The following PAX5 variants were observed in gnomAD, a reference collection of about 807,000 sequenced individuals.
PAX5 encodes the protein paired box protein Pax-5.
A neutral mutation model predicts 43.7 loss-of-function variants in PAX5; 9 were observed. The observed-to-expected ratio is 0.21, with a 90% CI of 0.12 to 0.36. The LOEUF (loss-of-function observed/expected upper bound fraction) is 0.36. Ranked by LOEUF, PAX5 falls within the 10% of genes least tolerant of loss-of-function variation. The pLI is 1.00. For synonymous variants in PAX5, 228 were observed against 214.3 expected (o/e 1.06, Z -0.56); for missense variants, 383 against 532.7 (o/e 0.72, Z 2.77).
chr9:36,933,632 G>A (rs751693184), intron 6 of PAX5, among the ~76,000 whole-genome samples: 20 of 152,220 alleles, frequency 1.3e-4, no homozygotes, highest in Non-Finnish European at 2.6e-4. Flanking sequence ...ACTCCTCCAT[G>A]AAGGGCCCTG....
chr9:36,892,399 C>G (rs1827477505), intron 7 of PAX5, among the ~76,000 whole-genome samples: 1 of 152,234 alleles, frequency 6.6e-6, no homozygotes, highest in Non-Finnish European at 1.5e-5. Context: ...CTTTACACAG[C>G]TCTTAGCGCC....
chr9:36,971,503 G>T (rs1235838579), intron 5 of PAX5, among the ~76,000 whole-genome samples: 2 of 152,202 alleles, frequency 1.3e-5, no homozygotes, highest in Non-Finnish European at 2.9e-5. Flanking sequence ...CTACAGAAAT[G>T]CTCAGACCCA....
chr9:36,915,059 T>G (rs1829621975), intron 7 of PAX5, among the ~76,000 whole-genome samples: 4 of 152,356 alleles, frequency 2.6e-5, no homozygotes, highest in Middle Eastern at 6.8e-3. Flanking sequence ...CAGCTCCTAT[T>G]GATGGATGTT....
At chr9:36,851,466 G>A (rs1304213647) in intron 8 of PAX5, among the ~76,000 whole-genome samples, 1 of 152,162 alleles carries the variant, frequency 6.6e-6, no homozygotes, top group Admixed American at 6.5e-5. Context: ...AGAGGAAGGA[G>A]CCAGCGGGAT....
intron 5 of PAX5, among the ~76,000 whole-genome samples, chr9:36,982,878 G>T (rs1477430225): frequency 6.6e-6 from 1 of 150,834 alleles, no homozygotes; most frequent in African/African-American, 2.4e-5. Context: ...ATACCCTAGA[G>T]AGAAACCCAT....
chr9:36,962,704 T>C (rs1251600385), intron 6 of PAX5, among the ~76,000 whole-genome samples: 1 of 152,096 alleles, frequency 6.6e-6, no homozygotes, highest in Admixed American at 6.5e-5. Flanking sequence ...AGGACTCAAA[T>C]CAAGCTTCCC....
intron 5 of PAX5, among the ~76,000 whole-genome samples, chr9:36,977,838 G>A (rs1426079582): frequency 6.6e-6 from 1 of 152,198 alleles, no homozygotes; most frequent in African/African-American, 2.4e-5. Context: ...AAATGCCCAG[G>A]GAAGAGGAAT....
intron 8 of PAX5, among the ~76,000 whole-genome samples, chr9:36,848,400 G>A (rs370208740): frequency 1.8e-5 from 2 of 113,276 alleles, no homozygotes; most frequent in African/African-American, 3.7e-5. Context: ...GCTCCTCCTC[G>A]GGCCTCTCTG....
chr9:36,961,984 C>T (rs1588090481), intron 6 of PAX5, among the ~76,000 whole-genome samples: 2 of 152,230 alleles, frequency 1.3e-5, no homozygotes, highest in African/African-American at 2.4e-5. Context: ...TCAACATTAA[C>T]GCCTTCCACC....
At chr9:37,023,184 G>T (rs984633201) in intron 1 of PAX5, among the ~76,000 whole-genome samples, 3 of 152,282 alleles carry the variant, frequency 2.0e-5, no homozygotes, top group Admixed American at 6.5e-5. Context: ...GCAGAGGAGA[G>T]GGAAAAGGAA....
intron 6 of PAX5, among the ~76,000 whole-genome samples, chr9:36,947,644 T>C (rs1832649736): frequency 6.6e-6 from 1 of 152,156 alleles, no homozygotes; most frequent in Admixed American, 6.5e-5. Flanking sequence ...TGTCCAGATA[T>C]TACATTACTG....
chr9:36,902,573 G>A (rs1828498089), intron 7 of PAX5, among the ~76,000 whole-genome samples: 1 of 152,226 alleles, frequency 6.6e-6, no homozygotes, highest in African/African-American at 2.4e-5. Context: ...CCCTTAGAGA[G>A]GCCCTGAAGC....
chr9:37,025,850 C>T (rs973850906), intron 1 of PAX5, among the ~76,000 whole-genome samples: 1 of 152,170 alleles, frequency 6.6e-6, no homozygotes, highest in African/African-American at 2.4e-5. Context: ...TTCTTATCCT[C>T]TTTTTTTAAA....
At chr9:36,906,960 G>A (rs1001192206) in intron 7 of PAX5, among the ~76,000 whole-genome samples, 3 of 152,168 alleles carry the variant, frequency 2.0e-5, no homozygotes, top group Admixed American at 1.3e-4. Context: ...GGGATTCAAA[G>A]CCAGGCAGTC....
intron 8 of PAX5, chr9:36,860,780 A>G (rs10758406): frequency 0.17 from 26,052 of 152,036 alleles, 2,313 homozygotes; most frequent in Middle Eastern, 0.32. Flanking sequence ...CTTCTATGGG[A>G]GACTCCAGGC....
At chr9:36,934,463 A>G (rs887958809) in intron 6 of PAX5, among the ~76,000 whole-genome samples, 4 of 152,238 alleles carry the variant, frequency 2.6e-5, no homozygotes, top group African/African-American at 9.6e-5. Context: ...ATAGTTTTAC[A>G]AGATGTTTTT....
chr9:36,853,894 C>T (rs12347861), intron 8 of PAX5, among the ~76,000 whole-genome samples: 4,944 of 152,278 alleles, frequency 0.032, 271 homozygotes, highest in African/African-American at 0.11. Flanking sequence ...GACAGGTAAA[C>T]GGGCTCAGTA....
At chr9:36,947,934 G>A (rs574655532) in intron 6 of PAX5, among the ~76,000 whole-genome samples, 4 of 151,676 alleles carry the variant, frequency 2.6e-5, no homozygotes, top group South Asian at 4.2e-4. Context: ...CCCCACCCCC[G>A]TTGCCCCTGG....
intron 6 of PAX5, among the ~76,000 whole-genome samples, chr9:36,929,283 AAGGAAGGATGGAT>A (rs1257132443): frequency 1.9e-5 from 2 of 103,284 alleles, no homozygotes; most frequent in African/African-American, 6.5e-5. Context: ...GGAAGGAAGG[AAGGAAGGATGGAT>A]GAGAGAGAGA....
Sources: allele counts gnomAD v4.1 joint callset (sites outside exome capture counted in the v4.1 genomes callset), GRCh38; gene constraint gnomAD v4.1.1; transcripts MANE v1.5; gene names NCBI Gene and HGNC (gene_info 2026-07-23, HGNC 2026-07-21).